GTF2F2: variants seen among roughly 807,000 people sequenced by gnomAD.
GTF2F2 encodes the protein general transcription factor IIF subunit 2.
In GTF2F2, 23 loss-of-function variants were observed where a neutral mutation model predicts 42.2. The ratio of observed to expected loss-of-function variants is 0.55; its 90% CI spans 0.39 to 0.77. The LOEUF is 0.77. GTF2F2 is among the 30% of genes least tolerant of loss of function. GTF2F2 has a pLI of 0.00. For missense variants in GTF2F2, 261 were observed against 287.2 expected, an observed-to-expected ratio of 0.91 and a Z score of 0.66; for synonymous variants, 105 against 100.8, an observed-to-expected ratio of 1.04 and a Z score of -0.25.
intron 5 of GTF2F2, among the ~76,000 whole-genome samples, chr13:45,233,717 C>T (rs958712808): frequency 2.6e-5 from 4 of 152,134 alleles, no homozygotes; most frequent in Middle Eastern, 3.4e-3. Context: ...AGTTTGAGGC[C>T]AGCCTGGGCA....
In GTF2F2 at chr13:45,283,460, T is replaced by C. The variant is rs767375147; in HGVS notation, c.649T>C (p.Leu217=). Residue 217 remains leucine, a synonymous_variant, in exon 8 of 8, where the codon TTA becomes CTA. Transcript: ENST00000340473. Reference sequence around the variant, plus strand: ...GTTTTAGGTGTACCTGAAGGAAATCTTAAAAGAAATTGGTGTTCAGAATGT... The same window carrying C: ...GTTTTAGGTGTACCTGAAGGAAATCCTAAAAGAAATTGGTGTTCAGAATGT... ...KQPVVYLKEI[L]KEIGVQNVKG... 1.2e-6 allele frequency: 2 copies of C among 1,612,020 alleles called. No homozygotes were observed. Among genetic ancestry groups the C allele is most frequent in the South Asian group, 1.1e-5 (1 of 90,830 alleles).
intron 3 of GTF2F2, 28 bp downstream of exon 3, chr13:45,149,816 T>C (rs1164773645): frequency 1.1e-5 from 16 of 1,492,566 alleles, no homozygotes; most frequent in East Asian, 2.4e-5. Flanking sequence ...GAAATTTTAG[T>C]TAAAACTTGA....
At chr13:45,218,911 C>G (rs1363902389) in intron 5 of GTF2F2, among the ~76,000 whole-genome samples, 1 of 152,136 alleles carries the variant, frequency 6.6e-6, no homozygotes. Flanking sequence ...TTCTATCTGT[C>G]TTGCTTGAGA....
chr13:45,174,132 T>G (rs766438375), intron 4 of GTF2F2, among the ~76,000 whole-genome samples: 5 of 152,180 alleles, frequency 3.3e-5, no homozygotes, highest in Non-Finnish European at 7.3e-5. Context: ...TGTTCCCAGA[T>G]TTTGGCTACT....
intron 4 of GTF2F2, among the ~76,000 whole-genome samples, chr13:45,197,154 A>G (rs1448902465): frequency 6.6e-6 from 1 of 151,776 alleles, no homozygotes; most frequent in African/African-American, 2.4e-5. Context: ...GGCTTATACA[A>G]ATCCATAGGA....
intron 7 of GTF2F2, among the ~76,000 whole-genome samples, chr13:45,272,254 A>G (rs149669156): frequency 0.011 from 1,650 of 151,416 alleles, 36 homozygotes; most frequent in African/African-American, 0.038. Flanking sequence ...AAAATAAACT[A>G]TTAACTATGT....
chr13:45,180,729 T>A (rs931803060), intron 4 of GTF2F2, among the ~76,000 whole-genome samples: 1 of 152,196 alleles, frequency 6.6e-6, no homozygotes, highest in African/African-American at 2.4e-5. Context: ...ATTTAATTAA[T>A]TTTTTATTGT....
intron 6 of GTF2F2, among the ~76,000 whole-genome samples, chr13:45,263,029 A>C (rs559117933): frequency 1.3e-5 from 2 of 152,238 alleles, no homozygotes; most frequent in Non-Finnish European, 2.9e-5. Context: ...TGTGGCCATA[A>C]ATTTTGTTTT....
At chr13:45,217,921 A>G (rs1408234226) in intron 5 of GTF2F2, among the ~76,000 whole-genome samples, 2 of 152,230 alleles carry the variant, frequency 1.3e-5, no homozygotes, top group East Asian at 3.9e-4. Context: ...TAGCCTGTCA[A>G]TTCTGGATAT....
chr13:45,126,394 G>A (rs1430780294), intron 1 of GTF2F2, among the ~76,000 whole-genome samples: 1 of 152,036 alleles, frequency 6.6e-6, no homozygotes, highest in Non-Finnish European at 1.5e-5. Context: ...TGGGATTACA[G>A]GCGTGCACCA....
At chr13:45,235,207 T>C (rs921920946) in intron 5 of GTF2F2, among the ~76,000 whole-genome samples, 3 of 152,120 alleles carry the variant, frequency 2.0e-5, no homozygotes, top group African/African-American at 7.2e-5. Context: ...GTTTCTGTTA[T>C]GAAACTGAAT....
chr13:45,258,938 G>A (rs1876212484), intron 6 of GTF2F2, among the ~76,000 whole-genome samples: 1 of 152,178 alleles, frequency 6.6e-6, no homozygotes, highest in Non-Finnish European at 1.5e-5. Context: ...GGGCGACTCT[G>A]TGTGTTCTGG....
At chr13:45,184,505 C>G (rs1418185457) in intron 4 of GTF2F2, among the ~76,000 whole-genome samples, 1 of 151,498 alleles carries the variant, frequency 6.6e-6, no homozygotes, top group South Asian at 2.1e-4. Context: ...CTTCCCACTT[C>G]GACCTCCCCA....
At chr13:45,193,029 AATC>A (rs781246627) in intron 4 of GTF2F2, 5 of 152,208 alleles carry the variant, frequency 3.3e-5, no homozygotes, top group Admixed American at 6.5e-5. Context: ...TTTTATGCAA[AATC>A]ATCAAGTGGT....
chr13:45,123,031 G>A (rs567448600), intron 1 of GTF2F2: 2 of 152,154 alleles, frequency 1.3e-5, no homozygotes, highest in East Asian at 3.9e-4. Context: ...AGTCAAGATT[G>A]TGCCACTGCA....
At chr13:45,264,744 C>G (rs1048032833) in intron 6 of GTF2F2, among the ~76,000 whole-genome samples, 1 of 152,144 alleles carries the variant, frequency 6.6e-6, no homozygotes. Context: ...TGACATGTGA[C>G]TCTGGGTTGG....
At chr13:45,151,338 A>G (rs1256036368) in intron 3 of GTF2F2, among the ~76,000 whole-genome samples, 1 of 152,118 alleles carries the variant, frequency 6.6e-6, no homozygotes, top group African/African-American at 2.4e-5. Context: ...TTATTCTGAC[A>G]AATGGGAATA....
intron 7 of GTF2F2, among the ~76,000 whole-genome samples, chr13:45,274,883 G>A (rs1373175726): frequency 6.6e-6 from 1 of 151,874 alleles, no homozygotes; most frequent in Non-Finnish European, 1.5e-5. Context: ...CTGTACCCCA[G>A]CCTGAATGAC....
At chr13:45,266,492 C>T (rs1876565145) in intron 6 of GTF2F2, among the ~76,000 whole-genome samples, 1 of 152,204 alleles carries the variant, frequency 6.6e-6, no homozygotes, top group Admixed American at 6.5e-5. Flanking sequence ...GTTTTATAAT[C>T]TGCCTGCCTC....
Sources: gnomAD v4.1 joint callset for allele counts (sites outside exome capture counted in the v4.1 genomes callset) on GRCh38, gnomAD v4.1.1 for gene constraint, MANE v1.5 for transcripts, NCBI Gene and HGNC (gene_info 2026-07-23, HGNC 2026-07-21) for gene names.